Variants in WDR27 observed in about 807,000 individuals in gnomAD.
The protein encoded by WDR27 is WD repeat domain 27.
In WDR27, 100 loss-of-function variants were observed where a neutral mutation model predicts 114.4. The ratio of observed to expected loss-of-function variants is 0.87; its 90% CI spans 0.74 to 1.03. The LOEUF is 1.03. Among genes scored for constraint, WDR27 ranks in the 50% least tolerant of loss-of-function variants. The probability of loss-of-function intolerance (pLI) is 0.00; values close to 1 mark genes in which losing one functional copy is unlikely to be tolerated. For missense variants in WDR27, 1,129 were observed against 1,092.9 expected (o/e 1.03, Z -0.47); for synonymous variants, 449 against 423.1 (o/e 1.06, Z -0.75).
At chr6:169,595,949 T>G (rs992405136) in intron 23 of WDR27, among the ~76,000 whole-genome samples, 37 of 152,240 alleles carry the variant, frequency 2.4e-4, no homozygotes, top group Middle Eastern at 3.4e-3. Context: ...CCCAATGTTT[T>G]TTTAACAAAA....
chr6:169,614,971 T>C (rs1213530796), intron 21 of WDR27, among the ~76,000 whole-genome samples: 1 of 152,068 alleles, frequency 6.6e-6, no homozygotes, highest in African/African-American at 2.4e-5. Flanking sequence ...ACAGAAATAC[T>C]ATGTAATGAC....
In WDR27 at chr6:169,538,703, TACACACAC is replaced by T. The variant is rs10644528; in HGVS notation, c.2645+33708_2645+33715del. On this transcript the variant is annotated intron_variant, in intron 25 of 25. Transcript: ENST00000448612. ...ATAGTCAAGCCTCCACATACTGGAA[TACACACAC>T]ACACACACACACACACACACACACA... Among the ~76,000 whole-genome samples the T allele has an allele frequency of 3.8e-4, 55 of 143,948 alleles. 2 individuals carry two copies. The highest frequency in any genetic ancestry group is 2.3e-3 in the East Asian group (11 of 4,786). The allele number at this position is 143,948 out of a possible 152,430, so 94.4% of individuals were successfully genotyped here. A position where few individuals can be genotyped will look rare whatever the true frequency, so the allele number is the denominator to read the frequency against.
At chr6:169,634,583 A>G in intron 19 of WDR27, 58 bp from the exon 20 acceptor site, 1 of 1,063,026 alleles carries the variant, frequency 9.4e-7, no homozygotes, top group South Asian at 1.4e-5. Context: ...ACAACTAAAC[A>G]CCTTATCTTT....
intron 17 of WDR27, among the ~76,000 whole-genome samples, chr6:169,641,952 T>C (rs1264458199): frequency 2.0e-5 from 3 of 152,214 alleles, no homozygotes; most frequent in Non-Finnish European, 4.4e-5. Context: ...GGGACTCAAG[T>C]ACCTGTCTTT....
intron 25 of WDR27, among the ~76,000 whole-genome samples, chr6:169,571,632 A>G (rs1445171418): frequency 2.0e-5 from 3 of 152,372 alleles, no homozygotes; most frequent in Non-Finnish European, 4.4e-5. Context: ...GTTCAAGGCC[A>G]GCCTAGGCAA....
intron 17 of WDR27, among the ~76,000 whole-genome samples, chr6:169,640,306 G>T (rs1293955903): frequency 6.6e-6 from 1 of 152,164 alleles, no homozygotes; most frequent in Non-Finnish European, 1.5e-5. Context: ...CATCACATCT[G>T]TCAGGGTATC....
intron 24 of WDR27, among the ~76,000 whole-genome samples, chr6:169,578,493 A>G (rs1241228586): frequency 6.6e-6 from 1 of 152,216 alleles, no homozygotes; most frequent in East Asian, 1.9e-4. Context: ...GAATGGCAGG[A>G]ACAAGGTATT....
intron 25 of WDR27, among the ~76,000 whole-genome samples, chr6:169,475,508 C>A (rs1014046697): frequency 6.6e-6 from 1 of 152,218 alleles, no homozygotes; most frequent in Non-Finnish European, 1.5e-5. Context: ...TAGGTATGAG[C>A]CACTGCATCT....
intron 7 of WDR27, 113 bp from the exon 8 acceptor site, chr6:169,664,399 A>G (rs1827186323): frequency 6.3e-7 from 1 of 1,576,308 alleles, no homozygotes. Context: ...CGGGCCCTCC[A>G]CGGCCTGCAG....
chr6:169,565,005 G>A (rs956947475), intron 25 of WDR27, among the ~76,000 whole-genome samples: 8 of 151,752 alleles, frequency 5.3e-5, no homozygotes, highest in Admixed American at 5.2e-4. Flanking sequence ...CACCAGGTAC[G>A]CTGTCAGCGA....
At chr6:169,642,443 A>G (rs56317747) in intron 17 of WDR27, among the ~76,000 whole-genome samples, 19,663 of 152,188 alleles carry the variant, frequency 0.13, 1,415 homozygotes, top group African/African-American at 0.17. Flanking sequence ...ACAACCACTC[A>G]TATCAACTAT....
intron 24 of WDR27, among the ~76,000 whole-genome samples, chr6:169,580,820 T>C (rs1305572675): frequency 2.0e-5 from 3 of 151,626 alleles, no homozygotes; most frequent in East Asian, 3.9e-4. Flanking sequence ...TGAGGTGATA[T>C]ATGTGGAAGA....
At chr6:169,465,258 CAAAAAAAAA>C (rs56688798) in intron 25 of WDR27, among the ~76,000 whole-genome samples, 6 of 101,218 alleles carry the variant, frequency 5.9e-5, no homozygotes, top group South Asian at 3.6e-4. Flanking sequence ...AACTCCATCT[CAAAAAAAAA>C]AAAAAAAAAA....
At chr6:169,427,403 A>C in the WDR27 span, among the ~76,000 whole-genome samples, 1 of 151,924 alleles carries the variant, frequency 6.6e-6, no homozygotes, top group Non-Finnish European at 1.5e-5. Context: ...CTCTGGGGAC[A>C]TCTAAAAAGT....
chr6:169,693,298 G>C (rs527694970), intron 1 of WDR27, among the ~76,000 whole-genome samples: 1 of 152,156 alleles, frequency 6.6e-6, no homozygotes, highest in Non-Finnish European at 1.5e-5. Context: ...GAGAGAATTT[G>C]CCACTACCAA....
chr6:169,637,653 CATGTGTGTGAAT>C (rs1215490379), intron 18 of WDR27, among the ~76,000 whole-genome samples: 1 of 146,194 alleles, frequency 6.8e-6, no homozygotes, highest in Admixed American at 6.8e-5. Flanking sequence ...TATGCATCTC[CATGTGTGTGAAT>C]ATGTGGCAAG....
chr6:169,520,926 TCAAGTTGAA>T (rs769422767), intron 25 of WDR27, among the ~76,000 whole-genome samples: 6 of 152,152 alleles, frequency 3.9e-5, no homozygotes, highest in Admixed American at 1.3e-4. Context: ...TTATTAGTGT[TCAAGTTGAA>T]CAAGTTGAAC....
chr6:169,617,556 A>G (rs1812155166), intron 21 of WDR27, among the ~76,000 whole-genome samples: 1 of 152,166 alleles, frequency 6.6e-6, no homozygotes, highest in African/African-American at 2.4e-5. Context: ...TTGTATTTTT[A>G]GTAAAGACCG....
Position 169,638,677 on chromosome 6 carries a change from CAGA to C in WDR27, c.1748-20_1748-18del, listed in dbSNP as rs1818342714. The C allele has an allele frequency of 3.8e-6, 6 of 1,588,712 alleles. No homozygotes were observed. The highest frequency in any genetic ancestry group is 5.1e-6 in the Non-Finnish European group (6 of 1,167,454). On this transcript the variant is annotated intron_variant, in intron 17 of 25. Transcript: ENST00000448612. ...CGTCGTGACCTAACAGGAATGACCA[CAGA>C]AGGTTACTATTTCTACTATTAATAT... is the stretch of plus-strand genomic sequence containing the variant.
Sources: gnomAD v4.1 joint callset for allele counts (sites outside exome capture counted in the v4.1 genomes callset) on GRCh38, gnomAD v4.1.1 for gene constraint, MANE v1.5 for transcripts, NCBI Gene and HGNC (gene_info 2026-07-23, HGNC 2026-07-21) for gene names.